The following CEACAM21 variants were observed in gnomAD, a reference collection of about 807,000 sequenced individuals.
The protein encoded by CEACAM21 is cell adhesion molecule CEACAM21.
Under a neutral mutation model 33.2 loss-of-function variants are expected in CEACAM21, and 38 were observed. That is an observed-to-expected ratio of 1.14 (90% CI 0.88 to 1.50). CEACAM21 has a LOEUF of 1.50. Ranked by LOEUF, CEACAM21 falls within the 40% of genes most tolerant of loss-of-function variation. The pLI is 0.00. For synonymous variants in CEACAM21, 156 were observed against 143.0 expected, an observed-to-expected ratio of 1.09 and a Z score of -0.65; for missense variants, 385 against 364.6, an observed-to-expected ratio of 1.06 and a Z score of -0.46.
In CEACAM21 at chr19:41,577,329, A is replaced by G. The variant is rs1421487588; in HGVS notation, c.194A>G (p.Tyr65Cys). The G allele has an allele frequency of 6.2e-7, 1 of 1,614,000 alleles. No homozygotes were observed. The highest frequency in any genetic ancestry group is 1.1e-5 in the South Asian group (1 of 91,064). Reference protein sequence around the residue: ...VVYLPENLYSYGWYKGKTVEP... With the variant: ...VVYLPENLYSCGWYKGKTVEP... ...TATCTGCCCGAGAATCTTTACAGCT[A>G]TGGCTGGTACAAAGGGAAAACGGTG... Residue 65 changes from tyrosine (Y) to cysteine (C), a missense_variant, in exon 2 of 7, where the codon TAT (tyrosine) becomes TGT (cysteine). Physicochemically the swap from Tyr to Cys is radical, Grantham distance 194 (BLOSUM62 -2). Coordinates refer to ENST00000401445, the MANE Select transcript of CEACAM21 (RefSeq NM_001098506.4).
intron 1 of CEACAM21, among the ~76,000 whole-genome samples, chr19:41,562,801 G>T (rs10405039): frequency 0.42 from 63,096 of 151,618 alleles, 16,945 homozygotes; most frequent in African/African-American, 0.77. Flanking sequence ...CGATCTCGGC[G>T]CAGTGCAAGC....
intron 2 of CEACAM21, among the ~76,000 whole-genome samples, chr19:41,566,514 G>T (rs144757828): frequency 6.6e-6 from 1 of 152,072 alleles, no homozygotes; most frequent in Non-Finnish European, 1.5e-5. Flanking sequence ...CCTGATATAA[G>T]CCATACGTAT....
chr19:41,566,494 T>C (rs893293084), intron 2 of CEACAM21, among the ~76,000 whole-genome samples: 4 of 152,248 alleles, frequency 2.6e-5, no homozygotes, highest in Admixed American at 1.3e-4. Flanking sequence ...TGTTGAAACA[T>C]ACTTGCATTC....
chr19:41,572,802 G>A (rs1600225432), upstream of CEACAM21, among the ~76,000 whole-genome samples: 4 of 152,324 alleles, frequency 2.6e-5, no homozygotes, highest in East Asian at 7.7e-4. Context: ...CACATGGCAA[G>A]CACTGAGGCT....
rs781901914 is a variant in CEACAM21, at chr19:41,577,456, G to T, written c.321G>T (p.Leu107=). ...GRETISPSGD[L]HFQNVTLEDT... is the part of the protein sequence containing the mutation. The stretch of plus-strand genomic sequence containing the variant: ...AGACAATATCACCCAGTGGAGATCT[G>T]CATTTCCAGAACGTCACCCTAGAGG... Residue 107 remains leucine, a synonymous_variant, in exon 2 of 7, where the codon CTG becomes CTT. Transcript: ENST00000401445. 3.1e-6 allele frequency: 5 copies of T among 1,613,052 alleles called. No homozygotes were observed. The South Asian group carries it at 5.5e-5, about 18-fold the overall frequency.
intron 1 of CEACAM21, among the ~76,000 whole-genome samples, chr19:41,556,590 C>CT (rs568975334): frequency 3.3e-5 from 5 of 152,190 alleles, no homozygotes; most frequent in African/African-American, 9.6e-5. Flanking sequence ...ACTCTTTAAA[C>CT]TTTTTTTTAC....
chr19:41,550,177 C>A (rs782076184), intron 1 of CEACAM21: 4 of 152,292 alleles, frequency 2.6e-5, no homozygotes, highest in South Asian at 2.1e-4. Flanking sequence ...GCATGACTGG[C>A]GGCCAGAACA....
rs781825301 is a variant in CEACAM21, at chr19:41,576,283, C to A, written c.9C>A (p.Pro3=). 3 of 1,613,586 alleles carry A rather than the reference C, an allele frequency of 1.9e-6. No individual in the cohort carries two copies. Among genetic ancestry groups the A allele is most frequent in the East Asian group, 4.5e-5 (2 of 44,858 alleles). ...AGCAGGCAGCAGAGACCATGGGGCC[C>A]CCCTCAGCTTGTCCCCACAGAGAAT... The part of the protein sequence containing the change: MG[P]PSACPHRECI... Residue 3 remains proline (P), a synonymous_variant, in exon 1 of 7, where the codon CCC becomes CCA. Transcript: ENST00000401445.
intron 1 of CEACAM21, among the ~76,000 whole-genome samples, chr19:41,558,249 A>G (rs1256712823): frequency 2.0e-5 from 3 of 152,266 alleles, no homozygotes; most frequent in Non-Finnish European, 4.4e-5. Flanking sequence ...CAAAACACAT[A>G]GATGAAATTA....
intron 1 of CEACAM21, chr19:41,549,663 A>G (rs972647694): frequency 6.6e-6 from 1 of 151,538 alleles, no homozygotes; most frequent in Admixed American, 6.6e-5. Context: ...GGGTTTTTTG[A>G]TGTGGTGTTT....
chr19:41,578,768 C>T (rs1015103687), intron 2 of CEACAM21, among the ~76,000 whole-genome samples: 23 of 152,160 alleles, frequency 1.5e-4, no homozygotes, highest in African/African-American at 4.6e-4. Context: ...CCTCACTGGA[C>T]GTGAAATCAT....
intron 2 of CEACAM21, among the ~76,000 whole-genome samples, chr19:41,567,895 TA>T (rs35461515): frequency 0.31 from 43,725 of 139,770 alleles, 7,726 homozygotes; most frequent in African/African-American, 0.51. Flanking sequence ...GAAGATGCAG[TA>T]AAAAAAAAAA....
chr19:41,550,492 C>T (rs2041140640), intron 1 of CEACAM21: 1 of 152,138 alleles, frequency 6.6e-6, no homozygotes, highest in Non-Finnish European at 1.5e-5. Context: ...AAATTGAGGC[C>T]GGGCGCGGTG....
chr19:41,558,748 G>A (rs1555786101), intron 1 of CEACAM21, among the ~76,000 whole-genome samples: 1 of 152,198 alleles, frequency 6.6e-6, no homozygotes, highest in Non-Finnish European at 1.5e-5. Flanking sequence ...GATCATAAAT[G>A]AAGTGCAAAT....
chr19:41,579,616 C>G lies in CEACAM21; in HGVS notation c.688C>G (p.Leu230Val). Residue 230 changes from leucine (L) to valine (V), a missense_variant, in exon 3 of 7, where the codon CTG becomes GTG. By Grantham distance (32) the Leu-to-Val change is conservative. Coordinates refer to ENST00000401445, the MANE Select transcript of CEACAM21 (RefSeq NM_001098506.4). ...VSSNRSDPLK[L>V]TVKSDDNTLG... is the part of the protein sequence containing the mutation. ...CTCCAACAGGAGCGACCCCCTCAAG[C>G]TGACTGTAAAATGTGAGTGACCCTC... is the stretch of plus-strand genomic sequence containing the variant. The G allele has an allele frequency of 6.4e-7, 1 of 1,558,078 alleles. No individual in the cohort carries two copies. Among genetic ancestry groups the G allele is most frequent in the Non-Finnish European group, 8.7e-7 (1 of 1,149,738 alleles).
intron 1 of CEACAM21, among the ~76,000 whole-genome samples, chr19:41,553,466 C>T (rs1555784885): frequency 6.6e-6 from 1 of 152,064 alleles, no homozygotes; most frequent in African/African-American, 2.4e-5. Context: ...TTATGCTTTG[C>T]CACTTTATTT....
At position 41,584,397 on chromosome 19, in the gene CEACAM21, CT is replaced by C. The variant is rs2070554981; in HGVS notation, c.752del (p.Leu251ArgfsTer100). On this transcript the variant is annotated frameshift_variant, in exon 4 of 7. Transcript: ENST00000401445. LOFTEE classifies it high-confidence loss of function. The stretch of plus-strand genomic sequence containing the variant: ...GATCGGGGTCCTGGTTGGGAGTCTT[CT>C]GGTGGCTGCACTTGTGTGTTTCCTG... ...ILIGVLVGSL[L>X]VAALVCFLLL... 6.2e-7 allele frequency: 1 copy of C among 1,611,230 alleles called. No individual in the cohort carries two copies. Among genetic ancestry groups the C allele is most frequent in the Middle Eastern group, 1.7e-4 (1 of 6,060 alleles).
At chr19:41,579,249 A>C (rs782722813) in intron 2 of CEACAM21, 104 bp from the exon 3 acceptor site, 1 of 1,590,348 alleles carries the variant, frequency 6.3e-7, no homozygotes, top group East Asian at 2.3e-5. Flanking sequence ...CCTGTCCTTC[A>C]TCTTTCTCCT....
Position 41,577,368 on chromosome 19 carries a change from T to G in CEACAM21, c.233T>G (p.Leu78Arg). 1.2e-6 allele frequency: 2 copies of G among 1,613,448 alleles called. No individual in the cohort carries two copies. The highest frequency in any genetic ancestry group is 1.7e-6 in the Non-Finnish European group (2 of 1,180,006). The stretch of plus-strand genomic sequence containing the variant: ...GGGAAAACGGTGGAGCCCAACCAGC[T>G]AATCGCAGCATATGTAATAGACACT... ...YKGKTVEPNQ[L>R]IAAYVIDTHV... is the part of the protein sequence containing the mutation. The change falls in exon 2 of 7, where the codon CTA (leucine) becomes CGA (arginine). Residue 78 changes from leucine to arginine, a missense_variant. Physicochemically the swap from Leu to Arg is moderately radical, Grantham distance 102 (BLOSUM62 -2). Transcript: ENST00000401445.
Sources: allele counts gnomAD v4.1 joint callset (sites outside exome capture counted in the v4.1 genomes callset), GRCh38; gene constraint gnomAD v4.1.1; transcripts MANE v1.5; gene names NCBI Gene and HGNC (gene_info 2026-07-23, HGNC 2026-07-21).